Variants in CACNA1D observed in about 807,000 individuals in gnomAD.
CACNA1D encodes calcium voltage-gated channel subunit alpha1 D, also known as voltage-dependent L-type calcium channel subunit alpha-1D.
In CACNA1D, 55 loss-of-function variants were observed where a neutral mutation model predicts 257.1. The ratio of observed to expected loss-of-function variants is 0.21; its 90% confidence interval spans 0.17 to 0.27. The LOEUF is 0.27. CACNA1D is among the 10% of genes least tolerant of loss of function. The pLI, the probability that CACNA1D is intolerant of heterozygous loss-of-function variation, is 1.00. For synonymous variants in CACNA1D, 980 were observed against 1,014.9 expected, an observed-to-expected ratio of 0.97 and a Z score of 0.65; for missense variants, 1,876 against 2,784.0, an observed-to-expected ratio of 0.67 and a Z score of 7.34.
In CACNA1D at chr3:53,793,577, C is replaced by A. The variant is rs1355091078; in HGVS notation, c.4923+6625C>A. Among the ~76,000 whole-genome samples the A allele has an allele frequency of 6.6e-6, 1 of 152,196 alleles. No individual in the cohort carries two copies. The highest frequency in any genetic ancestry group is 1.5e-5 in the Non-Finnish European group (1 of 68,040). On this transcript the variant is annotated intron_variant, in intron 40 of 47. Transcript: ENST00000350061. This position sits in a 1 kb window ranked among gnomAD's most constrained non-coding sequence, Gnocchi z 4.1. ...TCCACGCTCCTCAAATAAGTAAAAA[C>A]TGACAAGTGACCACTTTCTAGATGG...
chr3:53,551,628 C>T (rs773221660), intron 3 of CACNA1D, among the ~76,000 whole-genome samples: 1 of 152,248 alleles, frequency 6.6e-6, no homozygotes, highest in Non-Finnish European at 1.5e-5. Flanking sequence ...TAAACCCACA[C>T]TTCGAGGTTT....
chr3:53,606,190 T>C (rs548435442), intron 3 of CACNA1D, among the ~76,000 whole-genome samples: 29 of 152,334 alleles, frequency 1.9e-4, no homozygotes, highest in African/African-American at 6.5e-4. Flanking sequence ...AACTGTCTCT[T>C]TTTTATCTTT....
chr3:53,775,615 C>T (rs1246757805), intron 34 of CACNA1D, among the ~76,000 whole-genome samples: 1 of 152,014 alleles, frequency 6.6e-6, no homozygotes, highest in Admixed American at 6.6e-5. Flanking sequence ...GTAGAGAAGA[C>T]ACAAAAACAA....
chr3:53,531,614 ACTGT>A (rs2091953494), intron 3 of CACNA1D, among the ~76,000 whole-genome samples: 1 of 152,178 alleles, frequency 6.6e-6, no homozygotes, highest in African/African-American at 2.4e-5. Context: ...TCACTTCCAG[ACTGT>A]CTGGTAAGAT....
intron 3 of CACNA1D, among the ~76,000 whole-genome samples, chr3:53,543,146 A>G (rs2092340242): frequency 1.3e-5 from 2 of 150,980 alleles, no homozygotes; most frequent in South Asian, 4.2e-4. Flanking sequence ...AGAAATAAAT[A>G]AATAAATGAA....
chr3:53,734,861 T>C, intron 19 of CACNA1D, among the ~76,000 whole-genome samples: 1 of 152,216 alleles, frequency 6.6e-6, no homozygotes, highest in Non-Finnish European at 1.5e-5. Flanking sequence ...TGCAGGTCAC[T>C]ATAAATAGTA....
chr3:53,621,234 C>T (rs1437000475), intron 3 of CACNA1D, among the ~76,000 whole-genome samples: 1 of 152,118 alleles, frequency 6.6e-6, no homozygotes, highest in African/African-American at 2.4e-5. Context: ...CTCTCCATGG[C>T]CCCTATTTGA....
In CACNA1D at chr3:53,800,143, A is replaced by G; in HGVS notation, c.4924-106A>G. The stretch of plus-strand genomic sequence containing the variant: ...CAGTGCCCTGGATTGGCTTTTGGGG[A>G]AGCCTTCCTCCCCACCGCTGAATCA... On this transcript the variant is annotated intron_variant, in intron 40 of 47. Transcript: ENST00000350061. This position sits in a 1 kb window ranked among gnomAD's most constrained non-coding sequence, Gnocchi z 4.3. 1.2e-6 allele frequency: 1 copy of G among 834,780 alleles called. No homozygotes were observed. Among genetic ancestry groups the G allele is most frequent in the Non-Finnish European group, 2.1e-6 (1 of 471,692 alleles). 51.7% of individuals were successfully genotyped at this position (834,780 alleles called of 1,614,324 possible).
intron 3 of CACNA1D, among the ~76,000 whole-genome samples, chr3:53,576,324 A>G (rs1026227643): frequency 3.3e-5 from 5 of 152,238 alleles, no homozygotes; most frequent in Non-Finnish European, 7.3e-5. Context: ...GCAACCAATG[A>G]AAGTTTTCTG....
intron 20 of CACNA1D, among the ~76,000 whole-genome samples, chr3:53,738,035 ACT>A (rs1388211304): frequency 6.6e-6 from 1 of 152,076 alleles, no homozygotes; most frequent in Non-Finnish European, 1.5e-5. Flanking sequence ...CAGCCTGTTG[ACT>A]CTCAGGCCTA....
intron 9 of CACNA1D, among the ~76,000 whole-genome samples, chr3:53,708,773 C>A (rs35657034): frequency 0.17 from 25,819 of 152,134 alleles, 2,525 homozygotes; most frequent in Non-Finnish European, 0.22. Context: ...GAAAAAAATT[C>A]TCTCTTCCTT....
chr3:53,604,031 C>A (rs1428279684), intron 3 of CACNA1D, among the ~76,000 whole-genome samples: 1 of 152,138 alleles, frequency 6.6e-6, no homozygotes, highest in Non-Finnish European at 1.5e-5. Flanking sequence ...TTAGGTAATG[C>A]GGATGGAGCA....
At chr3:53,569,067 C>T (rs1412505559) in intron 3 of CACNA1D, among the ~76,000 whole-genome samples, 1 of 152,192 alleles carries the variant, frequency 6.6e-6, no homozygotes, top group African/African-American at 2.4e-5. Flanking sequence ...GTGTTCCCCC[C>T]ACCTCACTGT....
At chr3:53,568,723 T>C (rs2092892549) in intron 3 of CACNA1D, among the ~76,000 whole-genome samples, 1 of 152,192 alleles carries the variant, frequency 6.6e-6, no homozygotes, top group Non-Finnish European at 1.5e-5. Context: ...TGTTAATATC[T>C]CCCACTTAGA....
intron 3 of CACNA1D, among the ~76,000 whole-genome samples, chr3:53,554,993 T>C (rs1221354913): frequency 6.6e-6 from 1 of 152,238 alleles, no homozygotes; most frequent in African/African-American, 2.4e-5. Flanking sequence ...TTGTGAATGA[T>C]AATATCATTT....
chr3:53,549,290 A>G (rs2092479979), intron 3 of CACNA1D, among the ~76,000 whole-genome samples: 1 of 152,194 alleles, frequency 6.6e-6, no homozygotes, highest in Non-Finnish European at 1.5e-5. Context: ...ATGTGCTTTC[A>G]TTTAAATCCA....
At chr3:53,498,826 G>GT (rs2090459711) in intron 2 of CACNA1D, among the ~76,000 whole-genome samples, 1 of 152,194 alleles carries the variant, frequency 6.6e-6, no homozygotes, top group Non-Finnish European at 1.5e-5. Context: ...GATTTGAGGG[G>GT]TTCTCATGTG....
At chr3:53,598,139 G>A (rs927493171) in intron 3 of CACNA1D, among the ~76,000 whole-genome samples, 10 of 151,966 alleles carry the variant, frequency 6.6e-5, no homozygotes, top group Non-Finnish European at 1.3e-4. Context: ...GAAAATGAAG[G>A]GTGCTTGGCA....
At chr3:53,507,990 A>G (rs2090927977) in intron 3 of CACNA1D, among the ~76,000 whole-genome samples, 1 of 152,144 alleles carries the variant, frequency 6.6e-6, no homozygotes, top group Non-Finnish European at 1.5e-5. Context: ...GGGGGCTGAA[A>G]AGATGTCACC....
Sources: allele counts gnomAD v4.1 joint callset (sites outside exome capture counted in the v4.1 genomes callset), GRCh38; gene constraint gnomAD v4.1.1; non-coding constraint Gnocchi (gnomAD v3.1); transcripts MANE v1.5; gene names NCBI Gene and HGNC (gene_info 2026-07-23, HGNC 2026-07-21).